The following INSYN2B variants were observed in gnomAD, a reference collection of about 807,000 sequenced individuals.
INSYN2B encodes protein INSYN2B.
Under a neutral mutation model 41.2 loss-of-function variants are expected in INSYN2B, and 16 were observed. The observed-to-expected ratio is 0.39, with a 90% CI of 0.26 to 0.59. The LOEUF (loss-of-function observed/expected upper bound fraction) is 0.59. Among genes scored for constraint, INSYN2B ranks in the 20% least tolerant of loss-of-function variants. The pLI is 0.57. For synonymous variants in INSYN2B, 245 were observed against 244.4 expected (o/e 1.00, Z -0.02); for missense variants, 608 against 646.4 (o/e 0.94, Z 0.64).
At position 169,883,443 on chromosome 5, in the gene INSYN2B, C is replaced by A. The variant is rs958482509; in HGVS notation, c.456G>T (p.Arg152Ser). ...DIVSSDLAYL[R>S]LAQHLEDGPR... The stretch of plus-strand genomic sequence containing the variant: ...GCCCATCCTCAAGATGCTGAGCCAA[C>A]CTTAAGTAGGCAAGGTCAGAAGACA... Residue 152 changes from arginine to serine, a missense_variant, in exon 2 of 4, where the codon AGG becomes AGT. By Grantham distance (110) the Arg-to-Ser change is moderately radical. Coordinates refer to ENST00000377365, the MANE Select transcript of INSYN2B (RefSeq NM_001129891.3). The A allele has an allele frequency of 3.2e-6, 5 of 1,551,516 alleles. No homozygotes were observed. Among genetic ancestry groups the A allele is most frequent in the Non-Finnish European group, 4.4e-6 (5 of 1,146,974 alleles).
intron 3 of INSYN2B, among the ~76,000 whole-genome samples, chr5:169,868,995 G>A (rs189259459): frequency 1.1e-3 from 164 of 152,182 alleles, no homozygotes; most frequent in Non-Finnish European, 1.9e-3. Flanking sequence ...CTCTTCCCAC[G>A]GCTCAGTTGA....
intron 1 of INSYN2B, among the ~76,000 whole-genome samples, chr5:169,960,584 A>C (rs1318955464): frequency 6.6e-6 from 1 of 152,218 alleles, no homozygotes; most frequent in Non-Finnish European, 1.5e-5. Flanking sequence ...CTATCACTTA[A>C]AATGACCAAT....
rs1554123457 is a variant in INSYN2B, at chr5:169,978,393, G to GTGTGT, written c.-919+1883_-919+1884insACACA. Among the ~76,000 whole-genome samples, 109 of 43,892 alleles carry GTGTGT rather than the reference G, an allele frequency of 2.5e-3. 1 individual carries two copies. The highest frequency in any genetic ancestry group is 9.2e-3 in the African/African-American group (100 of 10,902). The allele number at this position is 43,892 out of a possible 152,430, so 28.8% of individuals were successfully genotyped here. ...TCTGTGTATGTGTGTGTGTGTGTGT[G>GTGTGT]GGGGGGGGGGGGTGTAGGTGTGTTT... is the stretch of plus-strand genomic sequence containing the variant. On this transcript the variant is annotated intron_variant, in intron 1 of 3. Coordinates refer to ENST00000377365, the MANE Select transcript of INSYN2B (RefSeq NM_001129891.3).
Position 169,875,083 on chromosome 5 carries a change from C to T in INSYN2B, c.1421+6285G>A, listed in dbSNP as rs918311417. The T allele has an allele frequency of 1.2e-5, 5 of 406,710 alleles. 1 individual carries two copies. The Middle Eastern group carries it at 1.1e-3, about 89-fold the overall frequency. 25.2% of individuals were successfully genotyped at this position (406,710 alleles called of 1,614,324 possible). On this transcript the variant is annotated intron_variant, in intron 3 of 3. Transcript: ENST00000377365. Reference sequence around the variant, plus strand: ...AGATGTAGTAAGAACTAAAGCTACTCTCTGGGCTATTTTACAAGCAAGTAT... The same window carrying T: ...AGATGTAGTAAGAACTAAAGCTACTTTCTGGGCTATTTTACAAGCAAGTAT...
intron 1 of INSYN2B, among the ~76,000 whole-genome samples, chr5:169,918,012 G>A (rs564660221): frequency 6.6e-6 from 1 of 152,312 alleles, no homozygotes; most frequent in South Asian, 2.1e-4. Flanking sequence ...CTGCCTTTCA[G>A]CAAGGAAAGG....
At chr5:169,918,307 A>G (rs1160652542) in intron 1 of INSYN2B, among the ~76,000 whole-genome samples, 1 of 152,234 alleles carries the variant, frequency 6.6e-6, no homozygotes. Context: ...TGAGTAATAA[A>G]TTATACTCTG....
chr5:169,932,785 T>G (rs1282681899), intron 1 of INSYN2B, among the ~76,000 whole-genome samples: 1 of 152,172 alleles, frequency 6.6e-6, no homozygotes, highest in East Asian at 1.9e-4. Flanking sequence ...CACTCACCTA[T>G]GCATAGTGTT....
At chr5:169,975,455 T>A (rs1777681327) in intron 1 of INSYN2B, among the ~76,000 whole-genome samples, 2 of 152,202 alleles carry the variant, frequency 1.3e-5, no homozygotes, top group South Asian at 4.1e-4. Flanking sequence ...GACTGCTGCC[T>A]GTCTCTCTGA....
At position 169,923,132 on chromosome 5, in the gene INSYN2B, G is replaced by T. The variant is rs370727925; in HGVS notation, c.-918-38316C>A. Among the ~76,000 whole-genome samples the T allele has an allele frequency of 3.6e-3, 554 of 152,310 alleles. 35 individuals are homozygous for T. In the South Asian group the frequency reaches 0.11, roughly 30 times the overall value. ...TAGGCTCTCAGGCTCCAAGGCCTAT[G>T]CTCCTCACCTCTGTGCTGGGTTCCT... On this transcript the variant is annotated intron_variant, in intron 1 of 3. Transcript: ENST00000377365.
At chr5:169,871,599 A>G (rs913269948) in intron 3 of INSYN2B, among the ~76,000 whole-genome samples, 1 of 152,156 alleles carries the variant, frequency 6.6e-6, no homozygotes, top group African/African-American at 2.4e-5. Context: ...CAGAATCCGA[A>G]CCCTGACAGT....
intron 1 of INSYN2B, among the ~76,000 whole-genome samples, chr5:169,947,157 C>T (rs1776484219): frequency 6.6e-6 from 1 of 152,210 alleles, no homozygotes; most frequent in Admixed American, 6.5e-5. Flanking sequence ...CTTCCAAGGT[C>T]ACACACTTAA....
At chr5:169,979,525 A>T (rs1381335332) in intron 1 of INSYN2B, among the ~76,000 whole-genome samples, 2 of 152,202 alleles carry the variant, frequency 1.3e-5, no homozygotes, top group Non-Finnish European at 2.9e-5. Context: ...CTGAATATGA[A>T]GCTGCTGCTT....
Position 169,863,067 on chromosome 5 carries a change from A to G in INSYN2B, c.*1206T>C, listed in dbSNP as rs140763082. Among the ~76,000 whole-genome samples, 114 of 152,332 alleles carry G rather than the reference A, an allele frequency of 7.5e-4. No individual in the cohort carries two copies. The highest frequency in any genetic ancestry group is 2.5e-3 in the African/African-American group (104 of 41,582). ...AAGAGTATATAGCAATTACTTAATT[A>G]TATTACTTTAGTAGTTTGTTCAGCC... On this transcript the variant is annotated 3_prime_UTR_variant, in exon 4 of 4. Coordinates refer to ENST00000377365, the MANE Select transcript of INSYN2B (RefSeq NM_001129891.3).
chr5:169,960,912 T>C (rs1397591803), intron 1 of INSYN2B, among the ~76,000 whole-genome samples: 1 of 152,222 alleles, frequency 6.6e-6, no homozygotes, highest in Non-Finnish European at 1.5e-5. Flanking sequence ...GAAAAAATCA[T>C]AGTATATATA....
chr5:169,902,669 GCCT>G (rs1309355849), intron 1 of INSYN2B, among the ~76,000 whole-genome samples: 1 of 152,204 alleles, frequency 6.6e-6, no homozygotes, highest in Admixed American at 6.5e-5. Flanking sequence ...AGAGAGGGAA[GCCT>G]CATTCCTGAC....
chr5:169,950,182 A>C (rs960597561), intron 1 of INSYN2B, among the ~76,000 whole-genome samples: 1 of 152,122 alleles, frequency 6.6e-6, no homozygotes. Flanking sequence ...AGGTGGTTGG[A>C]AGCTTGGTCA....
rs981815839 is a variant in INSYN2B at position 169,884,424 on chromosome 5, A to T, written c.-526T>A. The stretch of plus-strand genomic sequence containing the variant: ...GGAAACTTAAATGCATCTTCTTTCC[A>T]TAGCAGGTAAACAGGTGGAGAAATA... On this transcript the variant is annotated 5_prime_UTR_variant, in exon 2 of 4. The change abolishes an upstream ATG in the 5' untranslated region. Coordinates refer to ENST00000377365, the MANE Select transcript of INSYN2B (RefSeq NM_001129891.3). 6.6e-6 allele frequency: 1 copy of T among 152,378 alleles called. No homozygotes were observed. The highest frequency in any genetic ancestry group is 2.4e-5 in the African/African-American group (1 of 41,458). 9.4% of individuals were successfully genotyped at this position (152,378 alleles called of 1,614,324 possible). A position where few individuals can be genotyped will look rare whatever the true frequency, so the allele number is the denominator to read the frequency against.
chr5:169,888,129 C>T (rs1773080450), intron 1 of INSYN2B, among the ~76,000 whole-genome samples: 1 of 152,166 alleles, frequency 6.6e-6, no homozygotes, highest in Non-Finnish European at 1.5e-5. Flanking sequence ...TTAGGAAATA[C>T]AAAATTTTCT....
chr5:169,915,779 A>G (rs917131044), intron 1 of INSYN2B, among the ~76,000 whole-genome samples: 1 of 152,244 alleles, frequency 6.6e-6, no homozygotes, highest in Non-Finnish European at 1.5e-5. Context: ...TGAAGAGTCT[A>G]CATATGGAAA....
Sources: allele counts gnomAD v4.1 joint callset (sites outside exome capture counted in the v4.1 genomes callset), GRCh38; gene constraint gnomAD v4.1.1; transcripts MANE v1.5; gene names NCBI Gene and HGNC (gene_info 2026-07-23, HGNC 2026-07-21).